The following SLC39A6 variants were observed in gnomAD, a reference collection of about 807,000 sequenced individuals.
SLC39A6 encodes the protein solute carrier family 39 member 6.
Under a neutral mutation model 63.5 loss-of-function variants are expected in SLC39A6, and 51 were observed. The ratio of observed to expected loss-of-function variants is 0.80; its 90% CI spans 0.64 to 1.01. SLC39A6 has a LOEUF of 1.01. Among genes scored for constraint, SLC39A6 ranks in the 50% least tolerant of loss-of-function variants. The pLI is 0.00. For synonymous variants in SLC39A6, 318 were observed against 324.7 expected (o/e 0.98, Z 0.22); for missense variants, 805 against 927.8 (o/e 0.87, Z 1.72).
chr18:36,119,170 AG>A (rs768417518), intron 5 of SLC39A6, among the ~76,000 whole-genome samples: 6 of 152,212 alleles, frequency 3.9e-5, no homozygotes, highest in Non-Finnish European at 7.3e-5. Context: ...CAATATAATG[AG>A]TAGTAGTTTT....
At chr18:36,120,326 G>T (rs2089382539) in intron 5 of SLC39A6, among the ~76,000 whole-genome samples, 8 of 151,998 alleles carry the variant, frequency 5.3e-5, no homozygotes. Context: ...GGAAGCAATT[G>T]CGTCAATGGG....
chr18:36,111,183 G>A lies in SLC39A6; in HGVS notation c.1991C>T (p.Ser664Leu). ...CATTCCAAGATACGCCAGCATGGCT[G>A]ACAATGCATTATAAAGGACAGCCTG... is the stretch of plus-strand genomic sequence containing the variant. ...VKQAVLYNALSAMLAYLGMAT... is the reference protein window; with the variant it reads ...VKQAVLYNALLAMLAYLGMAT... The change falls in exon 9 of 10, where the codon TCA (serine) becomes TTA (leucine). Residue 664 changes from serine to leucine, a missense_variant. Ser to Leu is a moderately radical substitution (Grantham distance 145, BLOSUM62 -2). This residue lies in a region of SLC39A6 where 145 missense variants were observed against 227.2 expected (regional missense o/e 0.64). Transcript: ENST00000269187. The A allele has an allele frequency of 3.1e-6, 5 of 1,614,008 alleles. No individual in the cohort carries two copies. Among genetic ancestry groups the A allele is most frequent in the Non-Finnish European group, 4.2e-6 (5 of 1,179,866 alleles).
chr18:36,124,404 T>A (rs2089418142), intron 3 of SLC39A6, 116 bp downstream of exon 3: 1 of 590,818 alleles, frequency 1.7e-6, no homozygotes, highest in South Asian at 4.0e-5. Context: ...AAAGAACAAC[T>A]AAGATGACAT....
intron 5 of SLC39A6, among the ~76,000 whole-genome samples, chr18:36,119,975 A>C (rs1332197009): frequency 2.6e-5 from 4 of 152,208 alleles, no homozygotes; most frequent in African/African-American, 4.8e-5. Flanking sequence ...AATGTTAAAT[A>C]AATTATGACA....
chr18:36,126,803 A>G lies in SLC39A6; in HGVS notation c.205T>C (p.Ser69Pro). The change falls in exon 2 of 10, where the codon TCT becomes CCT. Residue 69 changes from serine (S) to proline (P), a missense_variant. By Grantham distance (74) the Ser-to-Pro change is moderately conservative (BLOSUM62 -1). Around this residue, in one of 4 missense-constraint regions of SLC39A6, gnomAD observed 639 missense variants for 644.0 expected, o/e 0.99. Coordinates refer to ENST00000269187, the MANE Select transcript of SLC39A6 (RefSeq NM_012319.4). Reference protein sequence around the residue: ...QLFYRYGENNSLSVEGFRKLL... With the variant: ...QLFYRYGENNPLSVEGFRKLL... ...TTTCTGAACCCTTCAACTGACAAAGAATTATTTTCTCCATAGCGGTAGAAA... is the reference window on the plus strand; with the variant it reads ...TTTCTGAACCCTTCAACTGACAAAGGATTATTTTCTCCATAGCGGTAGAAA... The G allele has an allele frequency of 6.2e-7, 1 of 1,614,188 alleles. No individual in the cohort carries two copies. Among genetic ancestry groups the G allele is most frequent in the Non-Finnish European group, 8.5e-7 (1 of 1,180,044 alleles).
At chr18:36,109,787 T>G in intron 9 of SLC39A6, 42 bp from the exon 10 acceptor site, 1 of 1,544,950 alleles carries the variant, frequency 6.5e-7, no homozygotes, top group Non-Finnish European at 8.8e-7. Context: ...ACATTTAAGT[T>G]TTTAGAACTA....
intron 3 of SLC39A6, 35 bp downstream of exon 3, chr18:36,124,485 C>A: frequency 1.5e-6 from 2 of 1,374,188 alleles, no homozygotes; most frequent in Admixed American, 1.8e-5. Flanking sequence ...AATGAATCTA[C>A]TGAAATTGTT....
In SLC39A6 at chr18:36,109,669, C is replaced by T. The variant is rs1248499344; in HGVS notation, c.2192G>A (p.Gly731Glu). ...RWGYFFLQNA[G>E]MLLGFGIMLL... Reference sequence around the variant, plus strand: ...CATAATTCCAAAACCCAAAAGCATCCCAGCATTCTGTAAAAAGAAATACCC... The same window carrying T: ...CATAATTCCAAAACCCAAAAGCATCTCAGCATTCTGTAAAAAGAAATACCC... Residue 731 changes from glycine (G) to glutamate (E), a missense_variant, in exon 10 of 10, where the codon GGG becomes GAG. Transcript: ENST00000269187. 6.2e-7 allele frequency: 1 copy of T among 1,611,742 alleles called. No homozygotes were observed. Among genetic ancestry groups the T allele is most frequent in the Non-Finnish European group, 8.5e-7 (1 of 1,178,270 alleles).
rs368521928 is a variant in SLC39A6, at chr18:36,114,474, C to T, written c.1466G>A (p.Arg489Gln). ...TNEEKVDTDD[R>Q]TEGYLRADSQ... The stretch of plus-strand genomic sequence containing the variant: ...GTCTGCTCGTAAATAGCCTTCAGTT[C>T]CTAGGAATAAACATAAAGGGCATGG... The change falls in exon 7 of 10, where the codon CGA becomes CAA. Residue 489 changes from arginine to glutamine, a missense_variant and splice_region_variant. Transcript: ENST00000269187. The T allele has an allele frequency of 6.2e-6, 10 of 1,605,518 alleles. No homozygotes were observed. Among genetic ancestry groups the T allele is most frequent in the Non-Finnish European group, 5.9e-6 (7 of 1,177,230 alleles).
At chr18:36,117,246 CA>C (rs2089353357) in intron 5 of SLC39A6, among the ~76,000 whole-genome samples, 1 of 151,980 alleles carries the variant, frequency 6.6e-6, no homozygotes, top group Non-Finnish European at 1.5e-5. Flanking sequence ...CAAAAAACAA[CA>C]AAAAAATCCA....
chr18:36,125,661 G>A (rs934990402), intron 2 of SLC39A6, among the ~76,000 whole-genome samples: 1 of 151,852 alleles, frequency 6.6e-6, no homozygotes, highest in Non-Finnish European at 1.5e-5. Flanking sequence ...CGTACAGTCT[G>A]GAAGTCTACT....
intron 7 of SLC39A6, among the ~76,000 whole-genome samples, chr18:36,113,319 G>C (rs2089316863): frequency 1.3e-5 from 2 of 151,434 alleles, no homozygotes; most frequent in Non-Finnish European, 1.5e-5. Flanking sequence ...GGCTGGTCTT[G>C]AACTCCTGGG....
intron 5 of SLC39A6, among the ~76,000 whole-genome samples, chr18:36,121,638 A>C (rs1392867189): frequency 1.3e-5 from 2 of 152,186 alleles, no homozygotes; most frequent in Non-Finnish European, 2.9e-5. Flanking sequence ...TGTAAAAGTC[A>C]CATACCCTTT....
chr18:36,126,492 G>A lies in SLC39A6; in HGVS notation c.516C>T (p.Ala172=), dbSNP rs1353067864. Residue 172 remains alanine, a synonymous_variant, in exon 2 of 10, where the codon GCC becomes GCT. Coordinates refer to ENST00000269187, the MANE Select transcript of SLC39A6 (RefSeq NM_012319.4). ...QGKGAHRPEH[A]SGRRNVKDSV... ...TGTCCTTGACATTCCTTCTACCACT[G>A]GCATGTTCTGGTCGGTGAGCTCCTT... is the stretch of plus-strand genomic sequence containing the variant. The A allele has an allele frequency of 1.9e-6, 3 of 1,614,220 alleles. No homozygotes were observed. Among genetic ancestry groups the A allele is most frequent in the Non-Finnish European group, 1.7e-6 (2 of 1,180,028 alleles).
In SLC39A6 at chr18:36,109,460, C is replaced by G. The variant is rs1567955871; in HGVS notation, c.*133G>C. On this transcript the variant is annotated 3_prime_UTR_variant, in exon 10 of 10. Coordinates refer to ENST00000269187, the MANE Select transcript of SLC39A6 (RefSeq NM_012319.4). ...TACCTTTAACTGACTTTGTAACAGA[C>G]AGCAATATTCAATACAAAAATCACA... The G allele has an allele frequency of 1.6e-6, 1 of 610,038 alleles. No homozygotes were observed. The highest frequency in any genetic ancestry group is 2.8e-6 in the Non-Finnish European group (1 of 357,172). The allele number at this position is 610,038 out of a possible 1,614,324, so 37.8% of individuals were successfully genotyped here.
rs1238397517 is a variant in SLC39A6 at position 36,126,537 on chromosome 18, A to T, written c.471T>A (p.Asp157Glu). 6.2e-7 allele frequency: 1 copy of T among 1,614,202 alleles called. No homozygotes were observed. The highest frequency in any genetic ancestry group is 1.1e-5 in the South Asian group (1 of 91,082). Residue 157 changes from aspartate to glutamate, a missense_variant, in exon 2 of 10, where the codon GAT becomes GAA. Physicochemically the swap from Asp to Glu is conservative, Grantham distance 45. Transcript: ENST00000269187. ...CTCCTTTCCCCTGGCTGTTTCTAGG[A>T]TCTTTACCTGAACTATCTGAGTCAT... The part of the protein sequence containing the change: ...PDHDSDSSGK[D>E]PRNSQGKGAH...
chr18:36,114,617 T>A, intron 6 of SLC39A6, 143 bp from the exon 7 acceptor site: 1 of 573,668 alleles, frequency 1.7e-6, no homozygotes, highest in Non-Finnish European at 3.0e-6. Flanking sequence ...AATATTAAAG[T>A]ATTACTGATG....
At chr18:36,115,237 C>A (rs968345027) in intron 6 of SLC39A6, among the ~76,000 whole-genome samples, 1 of 151,972 alleles carries the variant, frequency 6.6e-6, no homozygotes, top group Non-Finnish European at 1.5e-5. Flanking sequence ...GTCAGGGGAT[C>A]GAGACCATCC....
chr18:36,109,465 A>C lies in SLC39A6; in HGVS notation c.*128T>G. The C allele has an allele frequency of 4.6e-6, 3 of 653,522 alleles. No homozygotes were observed. The highest frequency in any genetic ancestry group is 7.8e-6 in the Non-Finnish European group (3 of 385,230). 40.5% of individuals were successfully genotyped at this position (653,522 alleles called of 1,614,324 possible). ...TTAACTGACTTTGTAACAGACAGCA[A>C]TATTCAATACAAAAATCACAAAACC... On this transcript the variant is annotated 3_prime_UTR_variant, in exon 10 of 10. Coordinates refer to ENST00000269187, the MANE Select transcript of SLC39A6 (RefSeq NM_012319.4).
Sources: gnomAD v4.1 joint callset for allele counts (sites outside exome capture counted in the v4.1 genomes callset) on GRCh38, gnomAD v4.1.1 for gene constraint, gnomAD v4.1.1 regional missense constraint, MANE v1.5 for transcripts, NCBI Gene and HGNC (gene_info 2026-07-23, HGNC 2026-07-21) for gene names.